Variants in AKAP6 observed in about 807,000 individuals in gnomAD.
AKAP6 encodes the protein A-kinase anchor protein 6.
AKAP6 carries 58 observed loss-of-function variants against 188.5 expected under a neutral mutation model. The ratio of observed to expected loss-of-function variants is 0.31; its 90% CI spans 0.25 to 0.38. The LOEUF (loss-of-function observed/expected upper bound fraction) is 0.38, where lower values mean the gene tolerates loss of function less well. Among genes scored for constraint, AKAP6 ranks in the 10% least tolerant of loss-of-function variants. AKAP6 has a pLI of 1.00. For missense variants in AKAP6, 2,710 were observed against 2,740.0 expected, an observed-to-expected ratio of 0.99 and a Z score of 0.24; for synonymous variants, 989 against 998.6, an observed-to-expected ratio of 0.99 and a Z score of 0.18.
At chr14:32,734,381 G>T (rs1018457834) in intron 10 of AKAP6, 2 of 152,112 alleles carry the variant, frequency 1.3e-5, no homozygotes, top group Non-Finnish European at 2.9e-5. Context: ...CTGTGAAATT[G>T]TGTCCCCTGT....
In AKAP6 at chr14:32,834,566, A is replaced by C. The variant is rs1009543863; in HGVS notation, c.*4761A>C. The stretch of plus-strand genomic sequence containing the variant: ...TTTTTTTTTTTTTTAAATCTTGCAT[A>C]GTTTCCCTGTGCTTTTACTCTATTT... On this transcript the variant is annotated 3_prime_UTR_variant, in exon 14 of 14. Coordinates refer to ENST00000280979, the MANE Select transcript of AKAP6 (RefSeq NM_004274.5). 3 of 85,598 alleles carry C rather than the reference A, an allele frequency of 3.5e-5. No homozygotes were observed. Among genetic ancestry groups the C allele is most frequent in the Non-Finnish European group, 7.0e-5 (3 of 43,132 alleles). 5.3% of individuals were successfully genotyped at this position (85,598 alleles called of 1,614,324 possible). A position where few individuals can be genotyped will look rare whatever the true frequency, so the allele number is the denominator to read the frequency against.
rs79482650 is a variant in AKAP6, at chr14:32,350,594, A to T, written c.-35+21186A>T. On this transcript the variant is annotated intron_variant, in intron 1 of 13. Transcript: ENST00000280979. ...ACAAATAAAGTCTGGAGTTTAATTA[A>T]TAGTTCTGTACTAAGATCAGTTTTA... Among the ~76,000 whole-genome samples, 224 of 152,318 alleles carry T rather than the reference A, an allele frequency of 1.5e-3. 4 individuals are homozygous for T. In the East Asian group the frequency reaches 0.035, roughly 24 times the overall value.
At chr14:32,647,891 C>T (rs2139517846) in intron 7 of AKAP6, among the ~76,000 whole-genome samples, 1 of 152,164 alleles carries the variant, frequency 6.6e-6, no homozygotes, top group South Asian at 2.1e-4. Flanking sequence ...ATCATATGAT[C>T]AGCATGACTG....
At chr14:32,654,978 T>C (rs569434054) in intron 7 of AKAP6, among the ~76,000 whole-genome samples, 36 of 152,306 alleles carry the variant, frequency 2.4e-4, no homozygotes, top group Admixed American at 2.1e-3. Context: ...ACCACAATCT[T>C]GTTTATTACA....
At chr14:32,559,935 T>C (rs951827843) in intron 4 of AKAP6, among the ~76,000 whole-genome samples, 3 of 151,942 alleles carry the variant, frequency 2.0e-5, no homozygotes, top group Admixed American at 1.3e-4. Context: ...GGAAGCTGAC[T>C]GAAGAAAGAA....
intron 1 of AKAP6, among the ~76,000 whole-genome samples, chr14:32,404,487 C>T (rs1026265815): frequency 1.2e-4 from 18 of 151,426 alleles, no homozygotes; most frequent in African/African-American, 4.1e-4. Context: ...GCAGATTCCT[C>T]AGCTAAGTGC....
chr14:32,497,033 A>G (rs1001010829), intron 2 of AKAP6, among the ~76,000 whole-genome samples: 1 of 152,132 alleles, frequency 6.6e-6, no homozygotes, highest in African/African-American at 2.4e-5. Flanking sequence ...GGTGTTTTTG[A>G]GATCCGGAGA....
chr14:32,371,496 A>G (rs1888005817), intron 1 of AKAP6, among the ~76,000 whole-genome samples: 4 of 152,188 alleles, frequency 2.6e-5, no homozygotes, highest in African/African-American at 7.2e-5. Flanking sequence ...AGTCCTAGCT[A>G]CTCAGCAGGC....
At chr14:32,391,284 T>C (rs1888705812) in intron 1 of AKAP6, among the ~76,000 whole-genome samples, 1 of 152,212 alleles carries the variant, frequency 6.6e-6, no homozygotes. Flanking sequence ...GGAGTGTCTC[T>C]GCGCTTGTCT....
intron 1 of AKAP6, among the ~76,000 whole-genome samples, chr14:32,404,691 G>GATATATATATATATATATATATATATAT (rs55702209): frequency 0.029 from 1,266 of 44,154 alleles, 203 homozygotes; most frequent in Non-Finnish European, 0.034. Flanking sequence ...GGAGTCAGGA[G>GATATATATATATATATATATATATATAT]ATATATATAT....
intron 1 of AKAP6, among the ~76,000 whole-genome samples, chr14:32,425,798 G>A (rs1422268501): frequency 1.3e-5 from 2 of 152,160 alleles, no homozygotes; most frequent in East Asian, 1.9e-4. Flanking sequence ...TCAGTAGGCT[G>A]TCCATTTACT....
chr14:32,756,352 T>C (rs1566689512), intron 11 of AKAP6, among the ~76,000 whole-genome samples: 1 of 151,932 alleles, frequency 6.6e-6, no homozygotes, highest in Non-Finnish European at 1.5e-5. Flanking sequence ...GTCTGAGTCA[T>C]GGAGGTGGAC....
intron 1 of AKAP6, among the ~76,000 whole-genome samples, chr14:32,350,958 G>A (rs1278551220): frequency 6.6e-6 from 1 of 152,082 alleles, no homozygotes; most frequent in African/African-American, 2.4e-5. Flanking sequence ...TTTCTATGAT[G>A]TGTAGGTACA....
intron 2 of AKAP6, among the ~76,000 whole-genome samples, chr14:32,523,492 G>T (rs527282025): frequency 2.5e-4 from 37 of 145,418 alleles, no homozygotes; most frequent in Non-Finnish European, 4.4e-4. Context: ...TTTTTGAGAC[G>T]GGGTCTGATT....
intron 2 of AKAP6, among the ~76,000 whole-genome samples, chr14:32,447,195 C>A (rs193099492): frequency 9.4e-4 from 143 of 152,324 alleles, no homozygotes; most frequent in African/African-American, 3.2e-3. Flanking sequence ...TCTCTTGATA[C>A]ATAATTTAGC....
chr14:32,507,729 A>G (rs901605238), intron 2 of AKAP6, among the ~76,000 whole-genome samples: 8 of 152,260 alleles, frequency 5.3e-5, no homozygotes, highest in Admixed American at 5.2e-4. Context: ...CAGGCATTGT[A>G]GAGGAGACAG....
chr14:32,486,497 A>C (rs900197409), intron 2 of AKAP6, among the ~76,000 whole-genome samples: 1 of 152,144 alleles, frequency 6.6e-6, no homozygotes, highest in Non-Finnish European at 1.5e-5. Context: ...TTCCTTGAGC[A>C]GTGGTTTGTA....
At chr14:32,521,512 CA>C (rs1229582107) in intron 2 of AKAP6, among the ~76,000 whole-genome samples, 2 of 152,120 alleles carry the variant, frequency 1.3e-5, no homozygotes, top group Non-Finnish European at 2.9e-5. Context: ...AATCAATGTG[CA>C]AAAATCACAA....
intron 4 of AKAP6, among the ~76,000 whole-genome samples, chr14:32,566,258 T>C (rs1884181748): frequency 6.6e-6 from 1 of 152,166 alleles, no homozygotes; most frequent in Non-Finnish European, 1.5e-5. Flanking sequence ...CAGACATTCA[T>C]AAGATTTGAA....
Sources: gnomAD v4.1 joint callset for allele counts (sites outside exome capture counted in the v4.1 genomes callset) on GRCh38, gnomAD v4.1.1 for gene constraint, MANE v1.5 for transcripts, NCBI Gene and HGNC (gene_info 2026-07-23, HGNC 2026-07-21) for gene names.